The following LRIG1 variants were observed in gnomAD, a reference collection of about 807,000 sequenced individuals.
LRIG1 encodes the protein leucine rich repeats and immunoglobulin like domains 1.
In LRIG1, 48 loss-of-function variants were observed where a neutral mutation model predicts 99.2. The ratio of observed to expected loss-of-function variants is 0.48; its 90% confidence interval spans 0.38 to 0.62. LRIG1 has a LOEUF of 0.62. Among genes scored for constraint, LRIG1 ranks in the 20% least tolerant of loss-of-function variants. LRIG1 has a pLI of 0.00. For synonymous variants in LRIG1, 772 were observed against 596.1 expected (o/e 1.29, Z -4.30); for missense variants, 1,646 against 1,434.4 (o/e 1.15, Z -2.38).
chr3:66,470,497 C>T (rs1700571884), intron 1 of LRIG1, among the ~76,000 whole-genome samples: 1 of 152,074 alleles, frequency 6.6e-6, no homozygotes, highest in Admixed American at 6.6e-5. Context: ...GTCAGGACCT[C>T]CTAGAAAGGA....
chr3:66,383,006 C>G lies in LRIG1; in HGVS notation c.2467G>C (p.Glu823Gln). 1 of 1,613,188 alleles carries G rather than the reference C, an allele frequency of 6.2e-7. No homozygotes were observed. Among genetic ancestry groups the G allele is most frequent in the Admixed American group, 1.7e-5 (1 of 60,004 alleles). ...CIIYQTRKKS[E>Q]EYSVTNTDET... ...CCTGTGTTGGTGACACTGTACTCTT[C>G]ACTCTTCTTCCTGGTCTGGTAGATG... Residue 823 changes from glutamate (E) to glutamine (Q), a missense_variant, in exon 15 of 19, where the codon GAA becomes CAA. By Grantham distance (29) the Glu-to-Gln change is conservative. Coordinates refer to ENST00000273261, the MANE Select transcript of LRIG1 (RefSeq NM_015541.3).
chr3:66,454,765 A>G (rs562368418), intron 2 of LRIG1, among the ~76,000 whole-genome samples: 1 of 152,320 alleles, frequency 6.6e-6, no homozygotes, highest in African/African-American at 2.4e-5. Context: ...CCGTAAGGTC[A>G]GCTTGGACCT....
intron 2 of LRIG1, among the ~76,000 whole-genome samples, chr3:66,451,921 A>T (rs911142581): frequency 2.0e-5 from 3 of 152,198 alleles, no homozygotes; most frequent in Admixed American, 2.0e-4. Context: ...GACAAGGAAC[A>T]GTGAGAACAA....
At chr3:66,386,358 G>T (rs1575647592) in intron 12 of LRIG1, 57 bp from the exon 13 acceptor site, 54 of 1,439,284 alleles carry the variant, frequency 3.8e-5, no homozygotes, top group Middle Eastern at 4.7e-4. Flanking sequence ...AGAGGAACCA[G>T]CTGCTGTTCA....
At chr3:66,400,022 G>A (rs1575660789) in intron 9 of LRIG1, among the ~76,000 whole-genome samples, 1 of 152,338 alleles carries the variant, frequency 6.6e-6, no homozygotes, top group Admixed American at 6.5e-5. Flanking sequence ...CCAGACCCCA[G>A]ACGTTACATG....
chr3:66,392,842 C>G (rs1230086129), intron 12 of LRIG1, among the ~76,000 whole-genome samples: 1 of 152,052 alleles, frequency 6.6e-6, no homozygotes, highest in East Asian at 1.9e-4. Context: ...TGACAATGGG[C>G]CAATGAACAA....
chr3:66,466,192 C>T (rs1389167047), intron 1 of LRIG1, among the ~76,000 whole-genome samples: 1 of 152,094 alleles, frequency 6.6e-6, no homozygotes, highest in Non-Finnish European at 1.5e-5. Context: ...CACCACCACA[C>T]CTGGCTAAAT....
At chr3:66,403,465 A>G (rs995013384) in intron 9 of LRIG1, among the ~76,000 whole-genome samples, 1 of 152,036 alleles carries the variant, frequency 6.6e-6, no homozygotes, top group Non-Finnish European at 1.5e-5. Flanking sequence ...TGAGGCTTCG[A>G]TTTTAACAAG....
intron 8 of LRIG1, 32 bp from the exon 9 acceptor site, chr3:66,405,310 C>T (rs774758979): frequency 5.1e-6 from 8 of 1,568,832 alleles, no homozygotes; most frequent in Non-Finnish European, 1.8e-6. Flanking sequence ...GCTCACCGAG[C>T]AGTCGGGGCG....
intron 10 of LRIG1, 61 bp from the exon 11 acceptor site, chr3:66,398,244 G>A: frequency 2.3e-6 from 3 of 1,313,092 alleles, no homozygotes; most frequent in South Asian, 2.4e-5. Context: ...GGGGTTTTCA[G>A]GACAGTCCTG....
intron 7 of LRIG1, among the ~76,000 whole-genome samples, chr3:66,408,961 T>TGTGTGG (rs1434233261): frequency 3.7e-4 from 3 of 8,122 alleles, no homozygotes; most frequent in South Asian, 3.4e-3. Flanking sequence ...TGTGTGTGTG[T>TGTGTGG]GGTGGGGGGA....
chr3:66,451,723 G>T, intron 2 of LRIG1, 90 bp from the exon 3 acceptor site: 1 of 899,796 alleles, frequency 1.1e-6, no homozygotes, highest in Non-Finnish European at 1.8e-6. Flanking sequence ...ACGCTGCTAA[G>T]TCTGCCACAG....
chr3:66,381,581 C>G lies in LRIG1; in HGVS notation c.2668G>C (p.Val890Leu), dbSNP rs767414411. The G allele has an allele frequency of 3.7e-6, 6 of 1,613,934 alleles. No homozygotes were observed. The highest frequency in any genetic ancestry group is 3.3e-5 in the South Asian group (3 of 91,076). ...CAGAGCTTTGGCTGCCTGCAGGCAA[C>G]GCTGTGAGTGTCGGGCTCTGGAAAG... Reference protein sequence around the residue: ...SHFPEPDTHSVACRQPKLCAG... With the variant: ...SHFPEPDTHSLACRQPKLCAG... Residue 890 changes from valine (V) to leucine (L), a missense_variant, in exon 17 of 19, where the codon GTT becomes CTT. Physicochemically the swap from Val to Leu is conservative, Grantham distance 32. Transcript: ENST00000273261.
intron 1 of LRIG1, among the ~76,000 whole-genome samples, chr3:66,496,530 A>T (rs1259956878): frequency 6.6e-6 from 1 of 152,214 alleles, no homozygotes; most frequent in Non-Finnish European, 1.5e-5. Context: ...CTCTGAGCTC[A>T]AGCTAAAGTT....
At chr3:66,462,015 C>T (rs185225072) in intron 2 of LRIG1, among the ~76,000 whole-genome samples, 28 of 152,134 alleles carry the variant, frequency 1.8e-4, no homozygotes, top group African/African-American at 4.1e-4. Context: ...GAGGCCAAGG[C>T]GCGCAGATCA....
Position 66,380,562 on chromosome 3 carries a change from A to T in LRIG1, c.3055+15T>A. 1 of 1,613,382 alleles carries T rather than the reference A, an allele frequency of 6.2e-7. No homozygotes were observed. Among genetic ancestry groups the T allele is most frequent in the Non-Finnish European group, 8.5e-7 (1 of 1,179,368 alleles). On this transcript the variant is annotated intron_variant, in intron 18 of 18. Transcript: ENST00000273261. ...CAGCTCCCAACCCACCTGTTAGAAGACAGTCAAAAGTTACCTTTCCCATCT... is the reference window on the plus strand; with the variant it reads ...CAGCTCCCAACCCACCTGTTAGAAGTCAGTCAAAAGTTACCTTTCCCATCT...
intron 12 of LRIG1, chr3:66,386,687 A>AGG: frequency 5.8e-6 from 1 of 171,968 alleles, no homozygotes; most frequent in Non-Finnish European, 1.2e-5. Flanking sequence ...CTCCAAAAGG[A>AGG]GGGGGTGTAA....
intron 4 of LRIG1, among the ~76,000 whole-genome samples, chr3:66,416,403 T>C (rs995768657): frequency 1.3e-5 from 2 of 152,216 alleles, no homozygotes; most frequent in African/African-American, 4.8e-5. Context: ...CAAAGTTAAC[T>C]CTGGAACAGT....
intron 3 of LRIG1, among the ~76,000 whole-genome samples, chr3:66,436,751 C>A (rs1703373460): frequency 6.6e-6 from 1 of 152,168 alleles, no homozygotes; most frequent in African/African-American, 2.4e-5. Context: ...GCAGCACTCT[C>A]TACTGCCAGG....
Sources: allele counts gnomAD v4.1 joint callset (sites outside exome capture counted in the v4.1 genomes callset), GRCh38; gene constraint gnomAD v4.1.1; transcripts MANE v1.5; gene names NCBI Gene and HGNC (gene_info 2026-07-23, HGNC 2026-07-21).